SH2B3: variants seen among roughly 807,000 people sequenced by gnomAD.
The protein encoded by SH2B3 is SH2B adapter protein 3.
A neutral mutation model predicts 51.9 loss-of-function variants in SH2B3; 43 were observed. The observed-to-expected ratio is 0.83, with a 90% CI of 0.65 to 1.07. The LOEUF is 1.07. Among genes scored for constraint, SH2B3 ranks in the 50% least tolerant of loss-of-function variants. The pLI is 0.00. For missense variants in SH2B3, 952 were observed against 834.3 expected (o/e 1.14, Z -1.74); for synonymous variants, 396 against 376.0 (o/e 1.05, Z -0.62).
intron 2 of SH2B3, among the ~76,000 whole-genome samples, chr12:111,445,238 C>G (rs1873820594): frequency 6.6e-6 from 1 of 152,192 alleles, no homozygotes; most frequent in African/African-American, 2.4e-5. Context: ...ATCCTTAAGG[C>G]CTGCAGCTAG....
At chr12:111,442,482 T>C (rs933972394) in intron 2 of SH2B3, among the ~76,000 whole-genome samples, 35 of 152,120 alleles carry the variant, frequency 2.3e-4, no homozygotes, top group African/African-American at 8.5e-4. Flanking sequence ...CACCGATGAA[T>C]GTGGGCTCAA....
intron 2 of SH2B3, among the ~76,000 whole-genome samples, chr12:111,423,105 A>G (rs1223815490): frequency 1.3e-5 from 2 of 152,228 alleles, no homozygotes; most frequent in African/African-American, 2.4e-5. Context: ...TTTTGAAGAA[A>G]GGACAAGATG....
At chr12:111,445,343 C>T (rs1225952107) in intron 2 of SH2B3, among the ~76,000 whole-genome samples, 2 of 152,226 alleles carry the variant, frequency 1.3e-5, no homozygotes. Flanking sequence ...GAAATGAAGG[C>T]TCTGCAGGGC....
intron 2 of SH2B3, among the ~76,000 whole-genome samples, chr12:111,428,991 C>T (rs564228750): frequency 2.1e-5 from 3 of 139,910 alleles, no homozygotes; most frequent in Admixed American, 7.4e-5. Context: ...GGAGGCCTGG[C>T]GGTTTCCTCT....
At chr12:111,423,123 C>T (rs1047727111) in intron 2 of SH2B3, among the ~76,000 whole-genome samples, 8 of 152,188 alleles carry the variant, frequency 5.3e-5, no homozygotes, top group East Asian at 3.9e-4. Context: ...ATGAAGAGGC[C>T]GGTGTGGTGG....
chr12:111,432,891 C>T (rs1872597652), intron 2 of SH2B3, among the ~76,000 whole-genome samples: 1 of 152,170 alleles, frequency 6.6e-6, no homozygotes, highest in Non-Finnish European at 1.5e-5. Flanking sequence ...CCACATTTTG[C>T]TTATTTGTTT....
chr12:111,419,233 G>GTGGAGGCT (rs1871349531), intron 2 of SH2B3, among the ~76,000 whole-genome samples: 1 of 152,168 alleles, frequency 6.6e-6, no homozygotes, highest in Non-Finnish European at 1.5e-5. Flanking sequence ...AGCCCAGGAG[G>GTGGAGGCT]TGGAGGCTAC....
intron 2 of SH2B3, among the ~76,000 whole-genome samples, chr12:111,425,971 T>C (rs1871963019): frequency 1.3e-5 from 2 of 152,188 alleles, no homozygotes; most frequent in African/African-American, 2.4e-5. Context: ...ATCAAAGTTT[T>C]ATGTGACATG....
chr12:111,435,116 G>A lies in SH2B3; in HGVS notation c.733-11637G>A, dbSNP rs746842954. On this transcript the variant is annotated intron_variant, in intron 2 of 7. Coordinates refer to ENST00000341259, the MANE Select transcript of SH2B3 (RefSeq NM_005475.3). This position sits in a 1 kb window ranked among gnomAD's most constrained non-coding sequence, Gnocchi z 4.8. ...CTGGTGCACTCTCCCCACCCGAGAC[G>A]GGCGACAGAGGTTTTTTGTTGTTTC... is the stretch of plus-strand genomic sequence containing the variant. 2.0e-5 allele frequency: 21 copies of A among 1,039,602 alleles called. No individual in the cohort carries two copies. Among genetic ancestry groups the A allele is most frequent in the Middle Eastern group, 2.8e-4 (1 of 3,586 alleles). 64.4% of individuals were successfully genotyped at this position (1,039,602 alleles called of 1,614,324 possible).
chr12:111,441,734 C>CA (rs1565985441), intron 2 of SH2B3, among the ~76,000 whole-genome samples: 2 of 152,150 alleles, frequency 1.3e-5, no homozygotes, highest in South Asian at 4.1e-4. Flanking sequence ...CAGGACTTCT[C>CA]AGAGTCTTTA....
intron 2 of SH2B3, among the ~76,000 whole-genome samples, chr12:111,441,123 G>T (rs979509443): frequency 2.6e-5 from 4 of 151,884 alleles, no homozygotes; most frequent in African/African-American, 9.7e-5. Context: ...CACACACGTG[G>T]AGACTCATTT....
At position 111,449,217 on chromosome 12, in the gene SH2B3, G is replaced by GTGAT. The variant is rs1251092772; in HGVS notation, c.*916_*919dup. 6.6e-6 allele frequency: 1 copy of GTGAT among 152,664 alleles called. No individual in the cohort carries two copies. Among genetic ancestry groups the GTGAT allele is most frequent in the Non-Finnish European group, 1.5e-5 (1 of 68,058 alleles). The allele number at this position is 152,664 out of a possible 1,614,324, so 9.5% of individuals were successfully genotyped here. On this transcript the variant is annotated 3_prime_UTR_variant, in exon 8 of 8. Transcript: ENST00000341259. ...GATTCTGGTTTACAGCAGCTTTACA[G>GTGAT]TGATAGTTAAATTAACTGGGGCTAG...
rs555181610 is a variant in SH2B3, at chr12:111,446,878, C to G, written c.834+24C>G. ...AGGTGAGTGACAAGGCTTTTCACAC[C>G]CTGGGGCAATACAAATACATACACA... is the stretch of plus-strand genomic sequence containing the variant. On this transcript the variant is annotated intron_variant, in intron 3 of 7. Coordinates refer to ENST00000341259, the MANE Select transcript of SH2B3 (RefSeq NM_005475.3). 5.0e-6 allele frequency: 8 copies of G among 1,603,310 alleles called. 1 individual carries two copies. The South Asian group carries it at 7.7e-5, about 15-fold the overall frequency.
At position 111,449,295 on chromosome 12, in the gene SH2B3, C is replaced by T. The variant is rs1874368789; in HGVS notation, c.*993C>T. On this transcript the variant is annotated 3_prime_UTR_variant, in exon 8 of 8. Transcript: ENST00000341259. ...GACTCCTAGGCCCTTTCTAGTAAATCCTTCAGCAACAAGGCTGGCTTGGTG... is the reference window on the plus strand; with the variant it reads ...GACTCCTAGGCCCTTTCTAGTAAATTCTTCAGCAACAAGGCTGGCTTGGTG... The T allele has an allele frequency of 6.6e-6, 1 of 152,226 alleles. No individual in the cohort carries two copies. Among genetic ancestry groups the T allele is most frequent in the African/African-American group, 2.4e-5 (1 of 41,434 alleles). The allele number at this position is 152,226 out of a possible 1,614,324, so 9.4% of individuals were successfully genotyped here.
Position 111,450,384 on chromosome 12 carries a change from A to G in SH2B3, c.*2082A>G, listed in dbSNP as rs1026917176. On this transcript the variant is annotated 3_prime_UTR_variant, in exon 8 of 8. Coordinates refer to ENST00000341259, the MANE Select transcript of SH2B3 (RefSeq NM_005475.3). ...ATGAATGCTAATTAGTGTGAACCAA[A>G]AGAGTAAGTAAGAGTCTGAAGTTTT... 6.6e-6 allele frequency: 1 copy of G among 152,230 alleles called. No homozygotes were observed. The highest frequency in any genetic ancestry group is 1.5e-5 in the Non-Finnish European group (1 of 68,034). 9.4% of individuals were successfully genotyped at this position (152,230 alleles called of 1,614,324 possible).
chr12:111,416,967 G>A (rs1871135276), intron 1 of SH2B3, among the ~76,000 whole-genome samples: 1 of 152,150 alleles, frequency 6.6e-6, no homozygotes, highest in Admixed American at 6.5e-5. Context: ...GACCTTTCTT[G>A]CCCACCATTT....
At position 111,409,354 on chromosome 12, in the gene SH2B3, C is replaced by T. The variant is rs1870499193; in HGVS notation, c.-28+3077C>T. On this transcript the variant is annotated intron_variant, in intron 1 of 7. Transcript: ENST00000341259. This position sits in a 1 kb window ranked among gnomAD's most constrained non-coding sequence, Gnocchi z 4.0. Reference sequence around the variant, plus strand: ...CAATTGGCACTCAATAAGTGCAAGCCATTGCTGTTCATGCCCAATAGGGGC... The same window carrying T: ...CAATTGGCACTCAATAAGTGCAAGCTATTGCTGTTCATGCCCAATAGGGGC... Among the ~76,000 whole-genome samples the T allele has an allele frequency of 1.3e-5, 2 of 152,210 alleles. No homozygotes were observed. The highest frequency in any genetic ancestry group is 2.9e-5 in the Non-Finnish European group (2 of 68,032).
rs1870573841 is a variant in SH2B3 at position 111,410,079 on chromosome 12, C to G, written c.-28+3802C>G. Among the ~76,000 whole-genome samples, 1 of 152,166 alleles carries G rather than the reference C, an allele frequency of 6.6e-6. No homozygotes were observed. Among genetic ancestry groups the G allele is most frequent in the Non-Finnish European group, 1.5e-5 (1 of 68,004 alleles). ...CCCCGGCTGGCCAGTGGGGAGCCGG[C>G]TGCTGCCCAGGACATGTGTCCCCAG... On this transcript the variant is annotated intron_variant, in intron 1 of 7. Transcript: ENST00000341259. The surrounding 1 kb of genome is among the most constrained non-coding windows in gnomAD (Gnocchi z 4.9).
chr12:111,444,528 C>G (rs1177146241), intron 2 of SH2B3, among the ~76,000 whole-genome samples: 2 of 152,206 alleles, frequency 1.3e-5, no homozygotes, highest in African/African-American at 2.4e-5. Context: ...CTTTGATCAC[C>G]CAACCACAGT....
Sources: allele counts gnomAD v4.1 joint callset (sites outside exome capture counted in the v4.1 genomes callset), GRCh38; gene constraint gnomAD v4.1.1; non-coding constraint Gnocchi (gnomAD v3.1); transcripts MANE v1.5; gene names NCBI Gene and HGNC (gene_info 2026-07-23, HGNC 2026-07-21).